Variants in ZFPM2 observed in about 807,000 individuals in gnomAD.
ZFPM2 encodes the protein zinc finger protein, FOG family member 2.
Under a neutral mutation model 98.6 loss-of-function variants are expected in ZFPM2, and 20 were observed. The observed-to-expected ratio is 0.20, with a 90% CI of 0.14 to 0.29. The LOEUF (loss-of-function observed/expected upper bound fraction) is 0.29, where lower values mean the gene tolerates loss of function less well. Ranked by LOEUF, ZFPM2 falls within the 10% of genes least tolerant of loss-of-function variation. ZFPM2 has a pLI of 1.00. For missense variants in ZFPM2, 1,310 were observed against 1,388.6 expected (o/e 0.94, Z 0.90); for synonymous variants, 518 against 502.7 (o/e 1.03, Z -0.41).
intron 3 of ZFPM2, among the ~76,000 whole-genome samples, chr8:105,487,246 T>C (rs1290138435): frequency 3.3e-5 from 5 of 151,998 alleles, no homozygotes; most frequent in Non-Finnish European, 5.9e-5. Context: ...CTTACTCGAG[T>C]AGCTGGGACT....
chr8:105,660,133 G>C (rs1232233148), intron 5 of ZFPM2, among the ~76,000 whole-genome samples: 1 of 151,484 alleles, frequency 6.6e-6, no homozygotes, highest in African/African-American at 2.4e-5. Context: ...GAAACTGTTA[G>C]TCAAGTACAT....
Position 105,781,271 on chromosome 8 carries a change from C to G in ZFPM2, c.533-7447C>G, listed in dbSNP as rs1470220. 9.6e-3 allele frequency among the ~76,000 whole-genome samples: 1,406 copies of G among 146,642 alleles called. 20 individuals carry two copies. Among genetic ancestry groups the G allele is most frequent in the African/African-American group, 0.028 (1,035 of 36,642 alleles). Reference sequence around the variant, plus strand: ...TCTTGATGCCCTTTTTAATGTCCAGCTAAACTTGCAATTTAAGGAATTGGG... The same window carrying G: ...TCTTGATGCCCTTTTTAATGTCCAGGTAAACTTGCAATTTAAGGAATTGGG... On this transcript the variant is annotated intron_variant, in intron 5 of 7. Coordinates refer to ENST00000407775, the MANE Select transcript of ZFPM2 (RefSeq NM_012082.4).
intron 5 of ZFPM2, among the ~76,000 whole-genome samples, chr8:105,785,764 C>T (rs375408083): frequency 1.2e-4 from 18 of 151,610 alleles, no homozygotes; most frequent in East Asian, 3.9e-4. Context: ...AAAAATTGGC[C>T]GGGCTTGGTG....
chr8:105,435,819 A>C lies in ZFPM2; in HGVS notation c.200-8461A>C, dbSNP rs192305757. On this transcript the variant is annotated intron_variant, in intron 2 of 7. Coordinates refer to ENST00000407775, the MANE Select transcript of ZFPM2 (RefSeq NM_012082.4). The stretch of plus-strand genomic sequence containing the variant: ...ATTGTGAGAAAAAAAATAGTTTCCT[A>C]AAAGTAATTCGAAGATTTCATATTT... Among the ~76,000 whole-genome samples the C allele has an allele frequency of 5.3e-5, 8 of 152,288 alleles. No individual in the cohort carries two copies. The East Asian group carries it at 1.5e-3, about 29-fold the overall frequency.
intron 3 of ZFPM2, among the ~76,000 whole-genome samples, chr8:105,501,101 G>A (rs1190481290): frequency 1.3e-5 from 2 of 151,904 alleles, no homozygotes; most frequent in African/African-American, 2.4e-5. Context: ...CCAACCCTTA[G>A]AGTTTTCCTA....
At chr8:105,437,792 C>T (rs1812155508) in intron 2 of ZFPM2, among the ~76,000 whole-genome samples, 1 of 152,126 alleles carries the variant, frequency 6.6e-6, no homozygotes, top group Admixed American at 6.5e-5. Context: ...CCTGTAATCC[C>T]AGCACTTTAA....
At chr8:105,448,831 G>A (rs1421460710) in intron 3 of ZFPM2, among the ~76,000 whole-genome samples, 1 of 152,052 alleles carries the variant, frequency 6.6e-6, no homozygotes, top group African/African-American at 2.4e-5. Flanking sequence ...CTAAACGTAA[G>A]TGGTCTTCCC....
intron 1 of ZFPM2, among the ~76,000 whole-genome samples, chr8:105,362,835 G>T (rs1342402858): frequency 2.6e-5 from 4 of 152,054 alleles, no homozygotes; most frequent in African/African-American, 9.7e-5. Context: ...GAATTCCCTT[G>T]GTTGGAAATC....
chr8:105,607,219 C>A (rs1274888648), intron 4 of ZFPM2, among the ~76,000 whole-genome samples: 39 of 152,124 alleles, frequency 2.6e-4, no homozygotes, highest in Admixed American at 2.6e-3. Context: ...TCTTAATTAT[C>A]TTCTCTAAAA....
At chr8:105,686,074 C>A (rs1361717069) in intron 5 of ZFPM2, among the ~76,000 whole-genome samples, 1 of 152,020 alleles carries the variant, frequency 6.6e-6, no homozygotes, top group African/African-American at 2.4e-5. Flanking sequence ...TTGATAAACA[C>A]CTTAAACTTT....
rs376361184 is a variant in ZFPM2, at chr8:105,649,695, G to A, written c.532+15338G>A. On this transcript the variant is annotated intron_variant, in intron 5 of 7. Coordinates refer to ENST00000407775, the MANE Select transcript of ZFPM2 (RefSeq NM_012082.4). The stretch of plus-strand genomic sequence containing the variant: ...TGCTGGATTACATTTATTGATTTGC[G>A]TATGTTGAACCAGCCTTGCATCCCA... Among the ~76,000 whole-genome samples, 20 of 152,188 alleles carry A rather than the reference G, an allele frequency of 1.3e-4. No homozygotes were observed. The East Asian group carries it at 1.4e-3, about 10-fold the overall frequency.
intron 3 of ZFPM2, among the ~76,000 whole-genome samples, chr8:105,477,037 C>T (rs1563676729): frequency 6.6e-6 from 1 of 152,064 alleles, no homozygotes; most frequent in Non-Finnish European, 1.5e-5. Context: ...GTACTGTTCA[C>T]ATGAAGAAAA....
At chr8:105,475,670 C>G (rs1280804490) in intron 3 of ZFPM2, among the ~76,000 whole-genome samples, 1 of 152,190 alleles carries the variant, frequency 6.6e-6, no homozygotes, top group African/African-American at 2.4e-5. Context: ...AACATCATCT[C>G]TGGAAGTCTT....
chr8:105,407,108 A>ATT (rs5893742), intron 1 of ZFPM2, among the ~76,000 whole-genome samples: 5 of 130,892 alleles, frequency 3.8e-5, no homozygotes, highest in East Asian at 2.3e-4. Context: ...AAATGCTCTA[A>ATT]TTTTTTTTTT....
chr8:105,749,925 A>C (rs922156761), intron 5 of ZFPM2, among the ~76,000 whole-genome samples: 5 of 152,030 alleles, frequency 3.3e-5, no homozygotes, highest in African/African-American at 1.2e-4. Flanking sequence ...AGTATAATGA[A>C]TATTTTAGGG....
chr8:105,340,234 G>A (rs1812402160), intron 1 of ZFPM2, among the ~76,000 whole-genome samples: 1 of 151,688 alleles, frequency 6.6e-6, no homozygotes. Flanking sequence ...CTGTAAAATG[G>A]GCCAGTATAA....
chr8:105,376,482 T>G (rs570138480), intron 1 of ZFPM2, among the ~76,000 whole-genome samples: 1 of 152,194 alleles, frequency 6.6e-6, no homozygotes, highest in African/African-American at 2.4e-5. Flanking sequence ...ACCTTCAGAC[T>G]CATATTTCCA....
intron 2 of ZFPM2, among the ~76,000 whole-genome samples, 157 bp from the exon 3 acceptor site, chr8:105,444,123 G>A (rs1229131768): frequency 1.3e-5 from 2 of 152,184 alleles, no homozygotes; most frequent in Non-Finnish European, 2.9e-5. Context: ...AGCCACAATA[G>A]ATATCAAAAT....
chr8:105,631,458 CTTTG>C (rs943373264), intron 4 of ZFPM2, among the ~76,000 whole-genome samples: 3 of 152,186 alleles, frequency 2.0e-5, no homozygotes, highest in African/African-American at 7.2e-5. Flanking sequence ...GCACACTTGA[CTTTG>C]TTATAGACTG....
Sources: allele counts gnomAD v4.1 joint callset (sites outside exome capture counted in the v4.1 genomes callset), GRCh38; gene constraint gnomAD v4.1.1; transcripts MANE v1.5; gene names NCBI Gene and HGNC (gene_info 2026-07-23, HGNC 2026-07-21).